VAV2: variants seen among roughly 807,000 people sequenced by gnomAD.
VAV2 encodes the protein vav guanine nucleotide exchange factor 2.
A neutral mutation model predicts 132.5 loss-of-function variants in VAV2; 67 were observed. The observed-to-expected ratio is 0.51, with a 90% CI of 0.42 to 0.62. The LOEUF (loss-of-function observed/expected upper bound fraction) is 0.62. VAV2 is among the 20% of genes least tolerant of loss of function. VAV2 has a pLI of 0.00. For synonymous variants in VAV2, 492 were observed against 443.5 expected, an observed-to-expected ratio of 1.11 and a Z score of -1.37; for missense variants, 938 against 1,153.6, an observed-to-expected ratio of 0.81 and a Z score of 2.71.
chr9:133,916,796 T>C lies in VAV2; in HGVS notation c.321+22307A>G, dbSNP rs747657189. The stretch of plus-strand genomic sequence containing the variant: ...TAATTAAGTACCTTCTGAATGCAGA[T>C]GTTGGGACTGTTTAGGTCAAGGGGT... On this transcript the variant is annotated intron_variant, in intron 2 of 29. Coordinates refer to ENST00000371850, the MANE Select transcript of VAV2 (RefSeq NM_001134398.2). 6.9e-5 allele frequency among the ~76,000 whole-genome samples: 3 copies of C among 43,218 alleles called. No individual in the cohort carries two copies. The East Asian group carries it at 5.2e-3, about 75-fold the overall frequency. 28.4% of individuals were successfully genotyped at this position (43,218 alleles called of 152,430 possible).
intron 2 of VAV2, among the ~76,000 whole-genome samples, chr9:133,875,077 G>GCT (rs1442880006): frequency 5.3e-5 from 8 of 152,322 alleles, no homozygotes; most frequent in African/African-American, 1.9e-4. Flanking sequence ...AGAATCACAG[G>GCT]CTCTCCCGCT....
At chr9:133,985,125 A>T (rs1156712425) in intron 1 of VAV2, among the ~76,000 whole-genome samples, 4 of 152,136 alleles carry the variant, frequency 2.6e-5, no homozygotes, top group Non-Finnish European at 4.4e-5. Context: ...AAATAAATAC[A>T]TACACACACA....
chr9:133,935,184 C>T lies in VAV2; in HGVS notation c.321+3919G>A, dbSNP rs111386691. Among the ~76,000 whole-genome samples the T allele has an allele frequency of 0.028, 4,210 of 152,230 alleles. 186 individuals carry two copies. The highest frequency in any genetic ancestry group is 0.096 in the African/African-American group (3,977 of 41,506). Reference sequence around the variant, plus strand: ...TTCATGGTCTGAGGTTGCTGGAGGCCGCCGAGCTCATTTGGAATGGCCAGG... The same window carrying T: ...TTCATGGTCTGAGGTTGCTGGAGGCTGCCGAGCTCATTTGGAATGGCCAGG... On this transcript the variant is annotated intron_variant, in intron 2 of 29. Transcript: ENST00000371850. This position sits in a 1 kb window ranked among gnomAD's most constrained non-coding sequence, Gnocchi z 5.2.
intron 3 of VAV2, among the ~76,000 whole-genome samples, chr9:133,860,194 C>T (rs543922258): frequency 6.6e-6 from 1 of 151,636 alleles, no homozygotes; most frequent in South Asian, 2.1e-4. Flanking sequence ...CCCAGCTACT[C>T]AGGAGGCTGA....
At chr9:133,933,967 A>ATGGATGG (rs1840806144) in intron 2 of VAV2, among the ~76,000 whole-genome samples, 1 of 31,052 alleles carries the variant, frequency 3.2e-5, no homozygotes, top group African/African-American at 1.8e-4. Context: ...TGGATGGATG[A>ATGGATGG]ATGGATGGAA....
chr9:133,785,867 G>C lies in VAV2; in HGVS notation c.1441C>G (p.Leu481Val). Reference protein sequence around the residue: ...HGKMWSYGFYLIHLQGKQGFQ... With the variant: ...HGKMWSYGFYVIHLQGKQGFQ... ...CCCTGCTTTCCTTGAAGGTGAATTA[G>C]GTAGAAGCCGTAGGACCACTGCAGG... Residue 481 changes from leucine to valine, a missense_variant, in exon 17 of 30, where the codon CTA becomes GTA. Physicochemically the swap from Leu to Val is conservative, Grantham distance 32. Transcript: ENST00000371850. The C allele has an allele frequency of 1.2e-6, 2 of 1,613,678 alleles. No individual in the cohort carries two copies. The highest frequency in any genetic ancestry group is 1.7e-5 in the Admixed American group (1 of 59,984).
At chr9:133,807,219 C>T in intron 8 of VAV2, 39 bp downstream of exon 8, 10 of 1,594,914 alleles carry the variant, frequency 6.3e-6, no homozygotes, top group Non-Finnish European at 7.7e-6. Flanking sequence ...GAGTTAGGGC[C>T]CCGAGCCTGG....
At chr9:133,874,860 G>A (rs1007906719) in intron 2 of VAV2, among the ~76,000 whole-genome samples, 1 of 152,170 alleles carries the variant, frequency 6.6e-6, no homozygotes, top group Non-Finnish European at 1.5e-5. Flanking sequence ...GCAGGAAGTG[G>A]GGCGTGGAGG....
chr9:133,875,409 A>G (rs907170489), intron 2 of VAV2, among the ~76,000 whole-genome samples: 15 of 152,224 alleles, frequency 9.9e-5, no homozygotes, highest in African/African-American at 3.6e-4. Context: ...GGAGCTCATC[A>G]GGCAGAGGGC....
At chr9:133,940,690 T>TGTGC (rs1564484085) in intron 1 of VAV2, among the ~76,000 whole-genome samples, 9 of 151,526 alleles carry the variant, frequency 5.9e-5, no homozygotes, top group African/African-American at 2.2e-4. Flanking sequence ...TGTGTGTGTG[T>TGTGC]GTGTGTGTGT....
rs537750043 is a variant in VAV2, at chr9:133,794,056, G to T, written c.1101+1612C>A. 2.6e-5 allele frequency among the ~76,000 whole-genome samples: 4 copies of T among 152,206 alleles called. No individual in the cohort carries two copies. The highest frequency in any genetic ancestry group is 9.6e-5 in the African/African-American group (4 of 41,528). On this transcript the variant is annotated intron_variant, in intron 12 of 29. Coordinates refer to ENST00000371850, the MANE Select transcript of VAV2 (RefSeq NM_001134398.2). This position sits in a 1 kb window ranked among gnomAD's most constrained non-coding sequence, Gnocchi z 4.6. ...AGCTACACTCCTGGGAAACCATCCC[G>T]TCGAGGGGCTCAGAGCCACTCGCCA...
chr9:133,790,936 G>C (rs1834432347), intron 13 of VAV2, among the ~76,000 whole-genome samples: 1 of 152,124 alleles, frequency 6.6e-6, no homozygotes, highest in Non-Finnish European at 1.5e-5. Flanking sequence ...CCACCCAAAG[G>C]ACCCTCTGGT....
At chr9:133,777,165 C>T (rs559397757) in intron 23 of VAV2, among the ~76,000 whole-genome samples, 4 of 152,246 alleles carry the variant, frequency 2.6e-5, no homozygotes, top group South Asian at 2.1e-4. Context: ...CACAACGAAA[C>T]GACACCCGAT....
chr9:133,813,383 C>A lies in VAV2; in HGVS notation c.450-1167G>T, dbSNP rs1835432790. Among the ~76,000 whole-genome samples the A allele has an allele frequency of 2.0e-5, 3 of 152,268 alleles. No homozygotes were observed. In the South Asian group the frequency reaches 6.2e-4, roughly 32 times the overall value. ...GGTACTCAGGAACGGGTTCCCCAGCCACGCTGTGTGCCACGGCCTCATCCC... is the reference window on the plus strand; with the variant it reads ...GGTACTCAGGAACGGGTTCCCCAGCAACGCTGTGTGCCACGGCCTCATCCC... On this transcript the variant is annotated intron_variant, in intron 4 of 29. Coordinates refer to ENST00000371850, the MANE Select transcript of VAV2 (RefSeq NM_001134398.2).
chr9:133,914,441 G>A (rs2810505), intron 2 of VAV2, among the ~76,000 whole-genome samples: 63,198 of 149,552 alleles, frequency 0.42, 15,813 homozygotes, highest in Non-Finnish European at 0.57. Flanking sequence ...TCAGCCAGAA[G>A]AAGGAACGAA....
At chr9:133,989,903 C>A (rs1018207073) in intron 1 of VAV2, among the ~76,000 whole-genome samples, 3 of 152,274 alleles carry the variant, frequency 2.0e-5, no homozygotes, top group African/African-American at 7.2e-5. Context: ...CCACCCTCCA[C>A]GGGACAGAGG....
At chr9:133,937,539 A>AGTGTGTGT (rs71380264) in intron 2 of VAV2, among the ~76,000 whole-genome samples, 1 of 148,638 alleles carries the variant, frequency 6.7e-6, no homozygotes, top group Non-Finnish European at 1.5e-5. Flanking sequence ...TGTGTGTGAG[A>AGTGTGTGT]GTGTGTGTGT....
At chr9:133,831,253 C>T (rs1403557795) in intron 4 of VAV2, among the ~76,000 whole-genome samples, 1 of 152,024 alleles carries the variant, frequency 6.6e-6, no homozygotes, top group African/African-American at 2.4e-5. Flanking sequence ...CTGGCCAACA[C>T]GGTGAAACCT....
chr9:133,950,603 A>G (rs1841526480), intron 1 of VAV2, among the ~76,000 whole-genome samples: 1 of 152,174 alleles, frequency 6.6e-6, no homozygotes, highest in Non-Finnish European at 1.5e-5. Flanking sequence ...TTGCTTTTCT[A>G]GTATTTCTCT....
Sources: allele counts gnomAD v4.1 joint callset (sites outside exome capture counted in the v4.1 genomes callset), GRCh38; gene constraint gnomAD v4.1.1; non-coding constraint Gnocchi (gnomAD v3.1); transcripts MANE v1.5; gene names NCBI Gene and HGNC (gene_info 2026-07-23, HGNC 2026-07-21).